The following CACNA1A variants were observed in gnomAD, a reference collection of about 807,000 sequenced individuals.
The protein encoded by CACNA1A is voltage-dependent P/Q-type calcium channel subunit alpha-1A.
CACNA1A carries 57 observed loss-of-function variants against 262.4 expected under a neutral mutation model. The observed-to-expected ratio is 0.22, with a 90% CI of 0.18 to 0.27. CACNA1A has a LOEUF of 0.27. Among genes scored for constraint, CACNA1A ranks in the 10% least tolerant of loss-of-function variants. The probability of loss-of-function intolerance (pLI) is 1.00; values close to 1 mark genes in which losing one functional copy is unlikely to be tolerated. For missense variants in CACNA1A, 2,526 were observed against 3,562.8 expected, an observed-to-expected ratio of 0.71 and a Z score of 7.41; for synonymous variants, 1,431 against 1,419.3, an observed-to-expected ratio of 1.01 and a Z score of -0.18.
At chr19:13,439,263 C>G (rs1210608404) in intron 3 of CACNA1A, among the ~76,000 whole-genome samples, 1 of 151,266 alleles carries the variant, frequency 6.6e-6, no homozygotes, top group Non-Finnish European at 1.5e-5. Flanking sequence ...CGCCCACCAC[C>G]ACGCTCAGCT....
chr19:13,278,897 C>T (rs1404530072), intron 22 of CACNA1A, among the ~76,000 whole-genome samples: 1 of 151,932 alleles, frequency 6.6e-6, no homozygotes, highest in Non-Finnish European at 1.5e-5. Context: ...GAGGGAGGGG[C>T]TGGTGCAAGG....
chr19:13,245,632 A>T, intron 30 of CACNA1A: 2 of 197,058 alleles, frequency 1.0e-5, no homozygotes, highest in East Asian at 1.2e-4. Flanking sequence ...AAGATCCTGG[A>T]GGGAAGGGTT....
At position 13,214,766 on chromosome 19, in the gene CACNA1A, G is replaced by A; in HGVS notation, c.5732-158C>T. The A allele has an allele frequency of 1.6e-6, 1 of 630,466 alleles. No individual in the cohort carries two copies. Among genetic ancestry groups the A allele is most frequent in the East Asian group, 2.7e-5 (1 of 36,598 alleles). The allele number at this position is 630,466 out of a possible 1,614,324, so 39.1% of individuals were successfully genotyped here. On this transcript the variant is annotated intron_variant, in intron 38 of 46. Coordinates refer to ENST00000360228, the MANE Select transcript of CACNA1A (RefSeq NM_001127222.2). The surrounding 1 kb of genome is among the most constrained non-coding windows in gnomAD (Gnocchi z 4.1). ...AACGGCCTGGCCCAGAGGAGGCCCT[G>A]GGCAGTGCTGCTGGAATGACCTTGT...
intron 24 of CACNA1A, among the ~76,000 whole-genome samples, chr19:13,268,893 CTTT>C (rs3050832): frequency 1.9e-5 from 2 of 107,944 alleles, no homozygotes; most frequent in African/African-American, 3.6e-5. Context: ...ATAGATTCTA[CTTT>C]TTTTTTTTTT....
Position 13,466,143 on chromosome 19 carries a change from T to C in CACNA1A, c.294-10931A>G, listed in dbSNP as rs550144035. On this transcript the variant is annotated intron_variant, in intron 1 of 46. Coordinates refer to ENST00000360228, the MANE Select transcript of CACNA1A (RefSeq NM_001127222.2). Reference sequence around the variant, plus strand: ...GTAAATGCCACAGAGCCGTTCACTTTAAAATGGTTAATTTTCTGTTATGCA... The same window carrying C: ...GTAAATGCCACAGAGCCGTTCACTTCAAAATGGTTAATTTTCTGTTATGCA... Among the ~76,000 whole-genome samples the C allele has an allele frequency of 1.1e-4, 16 of 152,272 alleles. No individual in the cohort carries two copies. The South Asian group carries it at 3.3e-3, about 32-fold the overall frequency.
Position 13,227,524 on chromosome 19 carries a change from G to A in CACNA1A, c.5532C>T (p.Gly1844=). 6.4e-7 allele frequency: 1 copy of A among 1,551,702 alleles called. No homozygotes were observed. The highest frequency in any genetic ancestry group is 8.7e-7 in the Non-Finnish European group (1 of 1,144,644). Residue 1844 remains glycine, a synonymous_variant, in exon 37 of 47, where the codon GGC becomes GGT. Transcript: ENST00000360228. ...VWAEYDPAAW[G]RMPYLDMYQM... ...GATACATGTCCAGGTAAGGCATGCG[G>A]CCCCTGGCAGCACCGAAAATGAAAA...
At chr19:13,378,485 TTTC>T (rs1205587532) in intron 3 of CACNA1A, among the ~76,000 whole-genome samples, 4 of 152,108 alleles carry the variant, frequency 2.6e-5, no homozygotes, top group Non-Finnish European at 5.9e-5. Flanking sequence ...TGCGGAAAAC[TTTC>T]TTGTCTTATT....
chr19:13,351,418 T>G (rs1422809476), intron 6 of CACNA1A, among the ~76,000 whole-genome samples: 2 of 152,168 alleles, frequency 1.3e-5, no homozygotes, highest in African/African-American at 2.4e-5. Context: ...CATAGCTCAC[T>G]GCAGCCTTGA....
At chr19:13,254,952 A>C in intron 29 of CACNA1A, 143 bp downstream of exon 29, 1 of 769,710 alleles carries the variant, frequency 1.3e-6, no homozygotes, top group Non-Finnish European at 2.1e-6. Flanking sequence ...TGTGTCAGGT[A>C]GAGGGAACAG....
At chr19:13,239,062 C>T (rs767167708) in intron 31 of CACNA1A, among the ~76,000 whole-genome samples, 11 of 152,122 alleles carry the variant, frequency 7.2e-5, no homozygotes, top group South Asian at 6.2e-4. Flanking sequence ...TCAAGCTGTT[C>T]CCTGCCCTGC....
chr19:13,481,144 T>C (rs530929579), intron 1 of CACNA1A, among the ~76,000 whole-genome samples: 17 of 152,340 alleles, frequency 1.1e-4, no homozygotes, highest in African/African-American at 4.1e-4. Flanking sequence ...CCTGGCATAT[T>C]GACCAGAACT....
rs575583951 is a variant in CACNA1A at position 13,460,071 on chromosome 19, G to A, written c.294-4859C>T. 2.5e-4 allele frequency among the ~76,000 whole-genome samples: 38 copies of A among 151,322 alleles called. No homozygotes were observed. In the South Asian group the frequency reaches 7.1e-3, roughly 28 times the overall value. On this transcript the variant is annotated intron_variant, in intron 1 of 46. Transcript: ENST00000360228. ...TCATCCCCCCTCCCTCTGCTCACCC[G>A]CACCCCCGCAAGTGTCCACAGACAT...
At chr19:13,255,358 T>A in intron 28 of CACNA1A, 99 bp from the exon 29 acceptor site, 1 of 1,071,844 alleles carries the variant, frequency 9.3e-7, no homozygotes, top group Non-Finnish European at 1.3e-6. Context: ...CTCAAGTGCT[T>A]CTGCTTGAGT....
intron 38 of CACNA1A, among the ~76,000 whole-genome samples, chr19:13,216,848 G>T (rs2055031499): frequency 6.6e-6 from 1 of 152,006 alleles, no homozygotes; most frequent in Admixed American, 6.6e-5. Context: ...ATGCTAACTG[G>T]GTTTACGTTT....
intron 9 of CACNA1A, among the ~76,000 whole-genome samples, chr19:13,330,751 T>C (rs11881253): frequency 0.21 from 31,762 of 151,882 alleles, 3,649 homozygotes; most frequent in African/African-American, 0.31. Context: ...CCACCACGCC[T>C]GGCTAATTTT....
At position 13,301,476 on chromosome 19, in the gene CACNA1A, C is replaced by T. The variant is rs1457414681; in HGVS notation, c.2173-820G>A. Among the ~76,000 whole-genome samples, 8 of 152,156 alleles carry T rather than the reference C, an allele frequency of 5.3e-5. No individual in the cohort carries two copies. The East Asian group carries it at 7.7e-4, about 15-fold the overall frequency. On this transcript the variant is annotated intron_variant, in intron 17 of 46. Transcript: ENST00000360228. ...ATTCCCAGCCCCCATGACAGGAAGG[C>T]GGTGGGGAGAGGAGAGCAGGGCACT...
At chr19:13,319,515 T>C (rs909872275) in intron 10 of CACNA1A, among the ~76,000 whole-genome samples, 3 of 152,066 alleles carry the variant, frequency 2.0e-5, no homozygotes, top group African/African-American at 7.2e-5. Flanking sequence ...AGCACGTTTA[T>C]CAAAACCACC....
At chr19:13,336,413 C>A (rs1008848291) in intron 6 of CACNA1A, among the ~76,000 whole-genome samples, 1 of 151,894 alleles carries the variant, frequency 6.6e-6, no homozygotes, top group Non-Finnish European at 1.5e-5. Flanking sequence ...AGCCTTAATG[C>A]CAATCACAAA....
At chr19:13,409,608 C>T (rs978180039) in intron 3 of CACNA1A, among the ~76,000 whole-genome samples, 6 of 151,980 alleles carry the variant, frequency 3.9e-5, no homozygotes, top group African/African-American at 1.2e-4. Context: ...TGCAGTGGCT[C>T]GCTCTTGGCT....
Sources: allele counts gnomAD v4.1 joint callset (sites outside exome capture counted in the v4.1 genomes callset), GRCh38; gene constraint gnomAD v4.1.1; non-coding constraint Gnocchi (gnomAD v3.1); transcripts MANE v1.5; gene names NCBI Gene and HGNC (gene_info 2026-07-23, HGNC 2026-07-21).